Variants in EVL observed in about 807,000 individuals in gnomAD.
The protein encoded by EVL is ena/VASP-like protein.
A neutral mutation model predicts 59.6 loss-of-function variants in EVL; 21 were observed. The ratio of observed to expected loss-of-function variants is 0.35; its 90% CI spans 0.25 to 0.51. The LOEUF is 0.51. Among genes scored for constraint, EVL ranks in the 20% least tolerant of loss-of-function variants. EVL has a pLI of 0.97. For synonymous variants in EVL, 198 were observed against 203.5 expected (o/e 0.97, Z 0.23); for missense variants, 462 against 546.6 (o/e 0.85, Z 1.54).
intron 1 of EVL, among the ~76,000 whole-genome samples, chr14:100,037,537 G>A (rs2061406446): frequency 6.6e-6 from 1 of 152,194 alleles, no homozygotes; most frequent in Non-Finnish European, 1.5e-5. Context: ...GATGCACTGT[G>A]GAAGGAGCAC....
chr14:100,011,865 T>C (rs937964165), intron 1 of EVL, among the ~76,000 whole-genome samples: 1 of 152,252 alleles, frequency 6.6e-6, no homozygotes, highest in Admixed American at 6.5e-5. Context: ...TTAATAGTAC[T>C]ACTGTTGACT....
At chr14:100,022,369 C>G (rs112984681) in intron 1 of EVL, among the ~76,000 whole-genome samples, 1,612 of 151,928 alleles carry the variant, frequency 0.011, 30 homozygotes, top group African/African-American at 0.037. Context: ...CCTCTGCATC[C>G]TGGATTCAAG....
intron 6 of EVL, 51 bp downstream of exon 6, chr14:100,128,799 C>T: frequency 6.7e-7 from 1 of 1,495,026 alleles, no homozygotes; most frequent in South Asian, 1.1e-5. Context: ...GACCCTTGTG[C>T]CATCTGCAGA....
At chr14:100,097,380 C>A in intron 2 of EVL, 101 bp from the exon 3 acceptor site, 1 of 1,029,004 alleles carries the variant, frequency 9.7e-7, no homozygotes, top group Non-Finnish European at 1.4e-6. Flanking sequence ...CCCCATCTTC[C>A]TGTCCTCTCA....
chr14:100,047,118 C>CTCTTTTTTTTTT (rs1566983192), intron 1 of EVL, among the ~76,000 whole-genome samples: 5 of 23,910 alleles, frequency 2.1e-4, no homozygotes, highest in African/African-American at 6.8e-4. Flanking sequence ...ATCTCTCTCT[C>CTCTTTTTTTTTT]TTTTTTTTTT....
intron 1 of EVL, among the ~76,000 whole-genome samples, chr14:100,076,773 A>G (rs61984507): frequency 0.031 from 4,663 of 152,208 alleles, 116 homozygotes; most frequent in Non-Finnish European, 0.047. Context: ...GCATTTCCAC[A>G]AGACTAAGCC....
intron 4 of EVL, 123 bp downstream of exon 4, chr14:100,123,725 C>T (rs1411000600): frequency 2.9e-5 from 28 of 963,318 alleles, no homozygotes; most frequent in South Asian, 4.5e-5. Flanking sequence ...GCATACACTG[C>T]GGGAGGGTGC....
chr14:100,136,234 C>T (rs1040051644), intron 9 of EVL, among the ~76,000 whole-genome samples: 1 of 152,256 alleles, frequency 6.6e-6, no homozygotes, highest in African/African-American at 2.4e-5. Flanking sequence ...GAGTCCCGCA[C>T]GAGAGAAGGC....
chr14:100,081,033 G>C (rs1250242298), intron 1 of EVL, among the ~76,000 whole-genome samples: 3 of 152,166 alleles, frequency 2.0e-5, no homozygotes, highest in Non-Finnish European at 2.9e-5. Flanking sequence ...CACTTCGAGA[G>C]ACCAAAGAGA....
At chr14:100,046,669 C>T (rs1177634810) in intron 1 of EVL, among the ~76,000 whole-genome samples, 5 of 109,636 alleles carry the variant, frequency 4.6e-5, no homozygotes, top group African/African-American at 1.1e-4. Flanking sequence ...CTTCCTCCCC[C>T]GCGCCGCCAA....
At chr14:100,005,970 A>G (rs2060976297) in intron 1 of EVL, among the ~76,000 whole-genome samples, 1 of 148,022 alleles carries the variant, frequency 6.8e-6, no homozygotes, top group Non-Finnish European at 1.5e-5. Flanking sequence ...TTTAAGTCAA[A>G]AAATCTTTCC....
rs538809469 is a variant in EVL at position 100,108,391 on chromosome 14, A to C, written c.358+10733A>C. ...CTTCATCTCCCTGGCTGCCGAGGCC[A>C]TTTGACACCTTGTGCCACCTGAGAG... On this transcript the variant is annotated intron_variant, in intron 3 of 13. Coordinates refer to ENST00000392920, the MANE Select transcript of EVL (RefSeq NM_016337.3). The surrounding 1 kb of genome is among the most constrained non-coding windows in gnomAD (Gnocchi z 4.1). Among the ~76,000 whole-genome samples, 1 of 152,144 alleles carries C rather than the reference A, an allele frequency of 6.6e-6. No individual in the cohort carries two copies. Among genetic ancestry groups the C allele is most frequent in the East Asian group, 1.9e-4 (1 of 5,188 alleles).
chr14:100,129,908 A>G (rs1387683938), intron 7 of EVL, among the ~76,000 whole-genome samples: 5 of 152,254 alleles, frequency 3.3e-5, no homozygotes, highest in East Asian at 3.8e-4. Flanking sequence ...TAGCTCAGCA[A>G]ATATTTCCTG....
intron 1 of EVL, among the ~76,000 whole-genome samples, chr14:100,048,184 T>A (rs976855900): frequency 1.3e-5 from 2 of 152,200 alleles, no homozygotes; most frequent in Non-Finnish European, 2.9e-5. Context: ...TAAAAACTAT[T>A]ATTCTGTGAA....
At position 100,130,203 on chromosome 14, in the gene EVL, G is replaced by C. The variant is rs1452765026; in HGVS notation, c.839+519G>C. Among the ~76,000 whole-genome samples the C allele has an allele frequency of 2.0e-5, 3 of 152,288 alleles. No homozygotes were observed. The East Asian group carries it at 5.8e-4, about 29-fold the overall frequency. On this transcript the variant is annotated intron_variant, in intron 7 of 13. Coordinates refer to ENST00000392920, the MANE Select transcript of EVL (RefSeq NM_016337.3). The surrounding 1 kb of genome is among the most constrained non-coding windows in gnomAD (Gnocchi z 4.8). The stretch of plus-strand genomic sequence containing the variant: ...GAGAGAGTAGTTCCATCTACATCCC[G>C]GCCGGGCTCTTGGGCCTGAGACCTG...
chr14:100,079,893 T>G (rs1484614511), intron 1 of EVL, among the ~76,000 whole-genome samples: 1 of 152,080 alleles, frequency 6.6e-6, no homozygotes, highest in Non-Finnish European at 1.5e-5. Flanking sequence ...TGCTGCAAGA[T>G]TTTTTCTGCA....
exon 1 of EVL, chr14:99,971,564 G>T (rs1312649089): frequency 6.6e-6 from 1 of 151,738 alleles, no homozygotes; most frequent in African/African-American, 2.4e-5. Flanking sequence ...GCGGTGGGGC[G>T]AACAGCAACG....
chr14:100,123,979 C>T (rs760155112), intron 4 of EVL, among the ~76,000 whole-genome samples: 7 of 152,196 alleles, frequency 4.6e-5, no homozygotes, highest in Non-Finnish European at 7.3e-5. Context: ...GGGGCAGTCA[C>T]GCCCATGGGA....
At chr14:100,005,569 C>G (rs960803139) in intron 1 of EVL, among the ~76,000 whole-genome samples, 2 of 151,358 alleles carry the variant, frequency 1.3e-5, no homozygotes, top group Admixed American at 1.3e-4. Context: ...GAAGAAAACT[C>G]TCGCTCAAAA....
Sources: allele counts gnomAD v4.1 joint callset (sites outside exome capture counted in the v4.1 genomes callset), GRCh38; gene constraint gnomAD v4.1.1; non-coding constraint Gnocchi (gnomAD v3.1); transcripts MANE v1.5; gene names NCBI Gene and HGNC (gene_info 2026-07-23, HGNC 2026-07-21).